PTPRT: variants seen among roughly 807,000 people sequenced by gnomAD.
PTPRT encodes the protein protein tyrosine phosphatase receptor type T, also known as receptor-type tyrosine-protein phosphatase T.
A neutral mutation model predicts 176.8 loss-of-function variants in PTPRT; 56 were observed. The ratio of observed to expected loss-of-function variants is 0.32; its 90% CI spans 0.26 to 0.40. The LOEUF is 0.40. PTPRT is among the 10% of genes least tolerant of loss of function. The probability of loss-of-function intolerance (pLI) is 1.00; values close to 1 mark genes in which losing one functional copy is unlikely to be tolerated. For missense variants in PTPRT, 1,540 were observed against 1,908.2 expected (o/e 0.81, Z 3.60); for synonymous variants, 783 against 739.0 (o/e 1.06, Z -0.96).
intron 6 of PTPRT, among the ~76,000 whole-genome samples, chr20:42,731,678 G>C (rs2076462871): frequency 6.6e-6 from 1 of 152,096 alleles, no homozygotes; most frequent in South Asian, 2.1e-4. Context: ...TCTTTGACTG[G>C]TGCTGGGATG....
intron 12 of PTPRT, among the ~76,000 whole-genome samples, chr20:42,302,120 C>T (rs1034848533): frequency 2.5e-4 from 38 of 152,180 alleles, no homozygotes; most frequent in African/African-American, 8.4e-4. Flanking sequence ...AGAATGGGAG[C>T]AATACCCTCT....
chr20:42,429,578 C>T (rs2059197340), intron 9 of PTPRT, among the ~76,000 whole-genome samples: 1 of 152,142 alleles, frequency 6.6e-6, no homozygotes, highest in Non-Finnish European at 1.5e-5. Context: ...GACTCAATCT[C>T]CTGTGCCAGG....
intron 6 of PTPRT, among the ~76,000 whole-genome samples, chr20:42,733,023 G>A (rs1010626059): frequency 6.6e-6 from 1 of 152,108 alleles, no homozygotes; most frequent in African/African-American, 2.4e-5. Flanking sequence ...TATCTCGAGA[G>A]GCCTTCTCAG....
chr20:42,720,312 G>A (rs2076285747), intron 6 of PTPRT, among the ~76,000 whole-genome samples: 1 of 152,136 alleles, frequency 6.6e-6, no homozygotes, highest in African/African-American at 2.4e-5. Flanking sequence ...TTTTACATAT[G>A]TGAATACTGA....
chr20:42,697,058 G>A (rs2075891383), intron 6 of PTPRT, among the ~76,000 whole-genome samples: 1 of 151,890 alleles, frequency 6.6e-6, no homozygotes, highest in Non-Finnish European at 1.5e-5. Context: ...GACTTTTTTT[G>A]TGTCTTAAAA....
intron 1 of PTPRT, among the ~76,000 whole-genome samples, chr20:42,921,711 G>A (rs907492406): frequency 1.3e-5 from 2 of 152,244 alleles, no homozygotes; most frequent in African/African-American, 4.8e-5. Flanking sequence ...AATCTATAGC[G>A]GCAGCATCCG....
chr20:42,296,907 C>G (rs1364206449), intron 12 of PTPRT, among the ~76,000 whole-genome samples: 1 of 151,940 alleles, frequency 6.6e-6, no homozygotes, highest in African/African-American at 2.4e-5. Flanking sequence ...ATATCACATG[C>G]CTGTATCAAA....
intron 2 of PTPRT, among the ~76,000 whole-genome samples, chr20:42,867,159 A>G (rs2078759970): frequency 6.6e-6 from 1 of 152,160 alleles, no homozygotes; most frequent in Non-Finnish European, 1.5e-5. Flanking sequence ...TAAAATATCC[A>G]TTGTTGTACA....
At chr20:42,769,008 G>A (rs2077024342) in intron 5 of PTPRT, among the ~76,000 whole-genome samples, 1 of 152,182 alleles carries the variant, frequency 6.6e-6, no homozygotes, top group African/African-American at 2.4e-5. Context: ...TGACCCAGCT[G>A]AGGCAATGCC....
At chr20:43,114,244 C>T (rs6030658) in intron 1 of PTPRT, among the ~76,000 whole-genome samples, 3 of 152,156 alleles carry the variant, frequency 2.0e-5, no homozygotes, top group African/African-American at 7.2e-5. Flanking sequence ...AGACTGTTTC[C>T]TATGCCACCC....
chr20:42,779,758 T>C (rs2077187800), intron 4 of PTPRT, among the ~76,000 whole-genome samples: 1 of 152,132 alleles, frequency 6.6e-6, no homozygotes, highest in South Asian at 2.1e-4. Flanking sequence ...TGAGTATATT[T>C]AAAATTATTT....
intron 7 of PTPRT, among the ~76,000 whole-genome samples, chr20:42,647,369 T>C (rs565220441): frequency 6.6e-6 from 1 of 152,170 alleles, no homozygotes; most frequent in South Asian, 2.1e-4. Flanking sequence ...CAGTAAATAA[T>C]ACATGAATAA....
intron 1 of PTPRT, among the ~76,000 whole-genome samples, chr20:42,960,798 G>T (rs1361453497): frequency 6.6e-6 from 1 of 152,150 alleles, no homozygotes; most frequent in African/African-American, 2.4e-5. Context: ...CCAGAGCAGA[G>T]AGTAAGAAGC....
At chr20:42,287,565 T>C (rs1192434991) in intron 12 of PTPRT, among the ~76,000 whole-genome samples, 1 of 151,698 alleles carries the variant, frequency 6.6e-6, no homozygotes. Context: ...AAGCAGATAC[T>C]AGAGGTTAGG....
intron 7 of PTPRT, among the ~76,000 whole-genome samples, chr20:42,541,689 A>G (rs971580425): frequency 5.3e-5 from 8 of 151,964 alleles, no homozygotes; most frequent in African/African-American, 1.7e-4. Flanking sequence ...TTTAATGGAA[A>G]AGATGAACCT....
At chr20:42,417,028 C>T (rs1002800182) in intron 9 of PTPRT, among the ~76,000 whole-genome samples, 1 of 151,986 alleles carries the variant, frequency 6.6e-6, no homozygotes, top group African/African-American at 2.4e-5. Flanking sequence ...AAAAAGGCAC[C>T]AAAGCCTACA....
rs185195110 is a variant in PTPRT at position 42,080,763 on chromosome 20, T to C, written c.*116A>G. On this transcript the variant is annotated 3_prime_UTR_variant, in exon 31 of 31. Transcript: ENST00000373187. ...GAACACAGGGCCACCAGTCTTCTCC[T>C]TGGAGTCAGGCAGGGTGCCACCTCA... 200 of 1,034,400 alleles carry C rather than the reference T, an allele frequency of 1.9e-4. No individual in the cohort carries two copies. Among genetic ancestry groups the C allele is most frequent in the African/African-American group, 1.4e-3 (89 of 63,530 alleles). The allele number at this position is 1,034,400 out of a possible 1,614,324, so 64.1% of individuals were successfully genotyped here.
intron 15 of PTPRT, among the ~76,000 whole-genome samples, chr20:42,214,709 G>A (rs1350592411): frequency 1.3e-5 from 2 of 152,192 alleles, no homozygotes; most frequent in Non-Finnish European, 2.9e-5. Flanking sequence ...TTAGGCAATA[G>A]TCAGACCCTG....
At chr20:42,991,242 T>C (rs925981518) in intron 1 of PTPRT, among the ~76,000 whole-genome samples, 1 of 152,114 alleles carries the variant, frequency 6.6e-6, no homozygotes, top group African/African-American at 2.4e-5. Flanking sequence ...GAAATAATCA[T>C]AGAGGCCAGC....
Sources: allele counts gnomAD v4.1 joint callset (sites outside exome capture counted in the v4.1 genomes callset), GRCh38; gene constraint gnomAD v4.1.1; transcripts MANE v1.5; gene names NCBI Gene and HGNC (gene_info 2026-07-23, HGNC 2026-07-21).